The following NRG1 variants were observed in gnomAD, a reference collection of about 807,000 sequenced individuals.
The protein encoded by NRG1 is neuregulin 1, also known as pro-neuregulin-1, membrane-bound isoform.
In NRG1, 18 loss-of-function variants were observed where a neutral mutation model predicts 63.8. That is an observed-to-expected ratio of 0.28 (90% CI 0.19 to 0.42). NRG1 has a LOEUF of 0.42. Among genes scored for constraint, NRG1 ranks in the 10% least tolerant of loss-of-function variants. The probability of loss-of-function intolerance (pLI) is 1.00; values close to 1 mark genes in which losing one functional copy is unlikely to be tolerated. For missense variants in NRG1, 762 were observed against 814.7 expected (o/e 0.94, Z 0.79); for synonymous variants, 302 against 301.3 (o/e 1.00, Z -0.02).
rs532692822 is a variant in NRG1, at chr8:31,873,981, A to G, written c.37+234550A>G. ...TGTTCCTGTGCTCCTTGATCCATCA[A>G]TGAAAATGTGATTTTCTGTTGGAGT... On this transcript the variant is annotated intron_variant, in intron 1 of 10. Coordinates refer to the NRG1 transcript ENST00000519301. 2.6e-5 allele frequency among the ~76,000 whole-genome samples: 4 copies of G among 152,318 alleles called. No homozygotes were observed. In the South Asian group the frequency reaches 6.2e-4, roughly 24 times the overall value.
At chr8:32,242,386 A>G (rs1398167348) in intron 1 of NRG1, among the ~76,000 whole-genome samples, 2 of 152,176 alleles carry the variant, frequency 1.3e-5, no homozygotes, top group Non-Finnish European at 2.9e-5. Flanking sequence ...AGGCAGGAGA[A>G]TCACTTGAAC....
chr8:31,934,420 C>CTCTTTTTTTTTTTT (rs780496777), intron 1 of NRG1, among the ~76,000 whole-genome samples: 1 of 108,062 alleles, frequency 9.3e-6, no homozygotes. Flanking sequence ...TATTCGCTCT[C>CTCTTTTTTTTTTTT]TTTTTTTTTT....
At chr8:32,460,668 A>G (rs35619609) in intron 1 of NRG1, among the ~76,000 whole-genome samples, 1,697 of 152,318 alleles carry the variant, frequency 0.011, 18 homozygotes, top group Non-Finnish European at 0.019. Flanking sequence ...GCTTGGAAAA[A>G]ACCCAGACAA....
intron 1 of NRG1, among the ~76,000 whole-genome samples, chr8:31,882,155 G>A (rs764782236): frequency 5.3e-5 from 8 of 151,850 alleles, no homozygotes; most frequent in Non-Finnish European, 8.8e-5. Context: ...ACCTTAAGTC[G>A]AAGCCCATGC....
intron 1 of NRG1, among the ~76,000 whole-genome samples, chr8:31,783,222 G>T (rs1464024510): frequency 3.3e-5 from 5 of 152,090 alleles, no homozygotes; most frequent in African/African-American, 7.2e-5. Flanking sequence ...GAAACTTTAG[G>T]TATCAAACCA....
At chr8:32,672,489 CA>C (rs1386035609) in intron 5 of NRG1, among the ~76,000 whole-genome samples, 5 of 152,212 alleles carry the variant, frequency 3.3e-5, no homozygotes, top group Non-Finnish European at 2.9e-5. Context: ...CTAGTTTAGA[CA>C]GATTAATCCA....
At chr8:31,666,574 C>A (rs993676201) in intron 1 of NRG1, among the ~76,000 whole-genome samples, 3 of 152,240 alleles carry the variant, frequency 2.0e-5, no homozygotes, top group African/African-American at 7.2e-5. Flanking sequence ...GCAAAACATT[C>A]ACTGAGGTGT....
intron 1 of NRG1, among the ~76,000 whole-genome samples, chr8:31,757,027 T>C (rs1236828838): frequency 1.3e-5 from 2 of 152,212 alleles, no homozygotes; most frequent in Admixed American, 6.6e-5. Flanking sequence ...TCTCTTGCAA[T>C]TGCAAAGTTA....
intron 1 of NRG1, among the ~76,000 whole-genome samples, chr8:32,075,902 ACCTCAAGTGATCCGCCCACCTTGG>A (rs768718765): frequency 1.6e-3 from 241 of 152,196 alleles, no homozygotes; most frequent in Non-Finnish European, 1.0e-3. Flanking sequence ...CAAACTCTTG[ACCTCAAGTGATCCGCCCACCTTGG>A]CCTCCCAGAG....
chr8:32,084,056 G>A (rs973764023), intron 1 of NRG1, among the ~76,000 whole-genome samples: 4 of 152,050 alleles, frequency 2.6e-5, no homozygotes, highest in African/African-American at 9.7e-5. Context: ...TACATAGATA[G>A]TACTAGAAAG....
At chr8:32,726,451 C>A (rs990882497) in intron 5 of NRG1, among the ~76,000 whole-genome samples, 18 of 151,982 alleles carry the variant, frequency 1.2e-4, no homozygotes, top group African/African-American at 4.4e-4. Flanking sequence ...TTATTCAAAG[C>A]CAGTAGGAGA....
At position 31,712,362 on chromosome 8, in the gene NRG1, A is replaced by G. The variant is rs1394295734; in HGVS notation, c.37+72931A>G. ...CAGCTCACTGCAACCTCTGCCTCCC[A>G]GGTTCAAGCGATTCTCCTGCCTCAG... is the stretch of plus-strand genomic sequence containing the variant. On this transcript the variant is annotated intron_variant, in intron 1 of 10. Coordinates refer to the NRG1 transcript ENST00000519301. Among the ~76,000 whole-genome samples, 16 of 145,062 alleles carry G rather than the reference A, an allele frequency of 1.1e-4. No individual in the cohort carries two copies. In the Admixed American group the frequency reaches 1.2e-3, roughly 10 times the overall value.
At chr8:32,589,161 C>T (rs2129535346) in intron 1 of NRG1, among the ~76,000 whole-genome samples, 1 of 152,310 alleles carries the variant, frequency 6.6e-6, no homozygotes, top group African/African-American at 2.4e-5. Context: ...CAAACTTTCC[C>T]TTTTATAGCC....
exon 1 of NRG1, chr8:32,548,277 G>A (rs985445057): frequency 5.1e-6 from 5 of 987,052 alleles, no homozygotes; most frequent in Admixed American, 1.2e-4. Context: ...GTGGCTGCGG[G>A]GCAATTGAAA....
chr8:31,759,249 A>G lies in NRG1; in HGVS notation c.37+119818A>G, dbSNP rs115494430. On this transcript the variant is annotated intron_variant, in intron 1 of 10. Transcript: ENST00000519301. ...GAGAATAATTTTAAAATATTGATAA[A>G]CCCTATTTTATCAGTGTTTTCTGTT... Among the ~76,000 whole-genome samples, 593 of 152,094 alleles carry G rather than the reference A, an allele frequency of 3.9e-3. 5 individuals carry two copies. The highest frequency in any genetic ancestry group is 0.014 in the African/African-American group (574 of 41,500).
intron 2 of NRG1, 24 bp downstream of exon 2, chr8:32,596,029 A>G (rs1257041878): frequency 6.4e-7 from 1 of 1,573,784 alleles, no homozygotes; most frequent in African/African-American, 1.4e-5. Context: ...ATAAAATAGT[A>G]GAGACTGCCC....
At chr8:32,701,310 C>G (rs965528390) in intron 5 of NRG1, among the ~76,000 whole-genome samples, 1 of 152,110 alleles carries the variant, frequency 6.6e-6, no homozygotes, top group African/African-American at 2.4e-5. Context: ...TCTGAGAAAT[C>G]TGAACTATTT....
chr8:32,549,292 C>G (rs962430540), intron 1 of NRG1, among the ~76,000 whole-genome samples: 1 of 152,242 alleles, frequency 6.6e-6, no homozygotes, highest in Non-Finnish European at 1.5e-5. Context: ...GTGTGCCTGG[C>G]AGCGCAGAAG....
chr8:32,719,086 G>T (rs1819984398), intron 5 of NRG1, among the ~76,000 whole-genome samples: 1 of 152,086 alleles, frequency 6.6e-6, no homozygotes, highest in African/African-American at 2.4e-5. Context: ...GTGTTTGACA[G>T]TCATGGAAAT....
Sources: gnomAD v4.1 joint callset for allele counts (sites outside exome capture counted in the v4.1 genomes callset) on GRCh38, gnomAD v4.1.1 for gene constraint, MANE v1.5 for transcripts, NCBI Gene and HGNC (gene_info 2026-07-23, HGNC 2026-07-21) for gene names.